Variants in CLEC2B observed in about 807,000 individuals in gnomAD.
CLEC2B encodes the protein C-type lectin domain family 2 member B, also known as C-type (calcium dependent, carbohydrate-recognition domain) lectin, superfamily member 2 (activation-induced).
A neutral mutation model predicts 16.2 loss-of-function variants in CLEC2B; 14 were observed. That is an observed-to-expected ratio of 0.86 (90% confidence interval 0.57 to 1.35). The LOEUF (loss-of-function observed/expected upper bound fraction) is 1.35. Ranked by LOEUF, CLEC2B falls within the 40% of genes most tolerant of loss-of-function variation. The probability of loss-of-function intolerance (pLI) is 0.00; values close to 1 mark genes in which losing one functional copy is unlikely to be tolerated. For missense variants in CLEC2B, 166 were observed against 182.3 expected (o/e 0.91, Z 0.52); for synonymous variants, 42 against 55.8 (o/e 0.75, Z 1.10).
At chr12:9,868,064 T>C (rs1867985379) in intron 1 of CLEC2B, among the ~76,000 whole-genome samples, 1 of 150,812 alleles carries the variant, frequency 6.6e-6, no homozygotes, top group South Asian at 2.1e-4. Flanking sequence ...ACGATGTTCA[T>C]AATTTCAGAT....
At chr12:9,858,710 A>G (rs57602079) in intron 2 of CLEC2B, among the ~76,000 whole-genome samples, 1 of 151,828 alleles carries the variant, frequency 6.6e-6, no homozygotes, top group Non-Finnish European at 1.5e-5. Context: ...GTATATAGGT[A>G]TGTGTACATA....
intron 2 of CLEC2B, 112 bp from the exon 3 acceptor site, chr12:9,857,749 G>T: frequency 6.1e-6 from 5 of 815,262 alleles, no homozygotes; most frequent in South Asian, 3.3e-5. Context: ...CACTATGAAA[G>T]TTGTATATCT....
At chr12:9,858,284 G>A (rs1867909034) in intron 2 of CLEC2B, among the ~76,000 whole-genome samples, 1 of 152,026 alleles carries the variant, frequency 6.6e-6, no homozygotes, top group African/African-American at 2.4e-5. Context: ...CCAAATGCAT[G>A]AGTGCATTAT....
chr12:9,857,760 A>G (rs747851665), intron 2 of CLEC2B, 123 bp from the exon 3 acceptor site: 4 of 755,310 alleles, frequency 5.3e-6, no homozygotes, highest in Non-Finnish European at 8.5e-6. Context: ...TTGTATATCT[A>G]TTATATGATA....
chr12:9,866,977 G>A (rs896511103), intron 1 of CLEC2B: 1 of 152,172 alleles, frequency 6.6e-6, no homozygotes, highest in African/African-American at 2.4e-5. Context: ...GGACTTGGTG[G>A]TGTATACAGA....
intron 2 of CLEC2B, among the ~76,000 whole-genome samples, chr12:9,862,103 C>A (rs1232734337): frequency 3.3e-5 from 5 of 151,952 alleles, no homozygotes; most frequent in African/African-American, 9.7e-5. Flanking sequence ...GGAAAAGATA[C>A]AAAGATACAT....
intron 1 of CLEC2B, among the ~76,000 whole-genome samples, chr12:9,863,539 T>C (rs1410613246): frequency 6.6e-6 from 1 of 152,200 alleles, no homozygotes; most frequent in Non-Finnish European, 1.5e-5. Context: ...GAAAACTCAC[T>C]GGTCTCTAAA....
intron 4 of CLEC2B, 109 bp from the exon 5 acceptor site, chr12:9,853,517 C>G (rs1591767720): frequency 1.3e-6 from 1 of 776,382 alleles, no homozygotes; most frequent in East Asian, 2.5e-5. Context: ...TGTACTATGG[C>G]ACAGTTCTCT....
At chr12:9,858,440 G>A (rs181692911) in intron 2 of CLEC2B, among the ~76,000 whole-genome samples, 18 of 151,952 alleles carry the variant, frequency 1.2e-4, no homozygotes, top group African/African-American at 4.1e-4. Flanking sequence ...TTTGTATTTT[G>A]GAACACACCC....
intron 3 of CLEC2B, chr12:9,854,751 A>G (rs1389086063): frequency 6.5e-6 from 3 of 462,166 alleles, no homozygotes; most frequent in African/African-American, 2.0e-5. Flanking sequence ...TTCCTTCACA[A>G]TTTTCAAACT....
intron 2 of CLEC2B, 111 bp downstream of exon 2, chr12:9,862,388 C>G (rs1348944692): frequency 1.0e-6 from 1 of 957,810 alleles, no homozygotes. Context: ...TAAATGTTAT[C>G]ATGTATAATG....
At chr12:9,862,457 A>G in intron 2 of CLEC2B, 42 bp downstream of exon 2, 6 of 1,405,266 alleles carry the variant, frequency 4.3e-6, no homozygotes, top group African/African-American at 1.5e-5. Flanking sequence ...ATAGGATCAC[A>G]CATAGAAAGC....
intron 2 of CLEC2B, among the ~76,000 whole-genome samples, chr12:9,859,796 A>G (rs1410129231): frequency 2.0e-5 from 3 of 151,812 alleles, no homozygotes; most frequent in Non-Finnish European, 4.4e-5. Context: ...ATATATGTGC[A>G]TATATCTTAA....
chr12:9,866,025 T>C (rs1482263629), intron 1 of CLEC2B, among the ~76,000 whole-genome samples: 1 of 152,062 alleles, frequency 6.6e-6, no homozygotes, highest in African/African-American at 2.4e-5. Context: ...AAGTTTATAG[T>C]AATAAATGCC....
In CLEC2B at chr12:9,852,983, TG is replaced by T. The variant is rs1442207613; in HGVS notation, c.*316del. On this transcript the variant is annotated 3_prime_UTR_variant, in exon 5 of 5. Coordinates refer to ENST00000228438, the MANE Select transcript of CLEC2B (RefSeq NM_005127.3). ...TTCTGGTACTCAAATTGTTCCATATTGGGTCATGAAAGTCCTGTCTAAGTGC... is the reference window on the plus strand; with the variant it reads ...TTCTGGTACTCAAATTGTTCCATATTGGTCATGAAAGTCCTGTCTAAGTGC... 4.0e-6 allele frequency: 1 copy of T among 248,348 alleles called. No homozygotes were observed. Among genetic ancestry groups the T allele is most frequent in the African/African-American group, 2.3e-5 (1 of 43,572 alleles). 15.4% of individuals were successfully genotyped at this position (248,348 alleles called of 1,614,324 possible).
At chr12:9,855,807 T>A (rs1422970100) in intron 3 of CLEC2B, among the ~76,000 whole-genome samples, 1 of 152,136 alleles carries the variant, frequency 6.6e-6, no homozygotes, top group Non-Finnish European at 1.5e-5. Flanking sequence ...TGGAAATAGA[T>A]ATAAAAATAT....
chr12:9,858,882 T>G (rs1484993130), intron 2 of CLEC2B, among the ~76,000 whole-genome samples: 2 of 152,052 alleles, frequency 1.3e-5, no homozygotes, highest in East Asian at 3.8e-4. Flanking sequence ...AGAATAATTC[T>G]GGTGCCTTCA....
At chr12:9,854,267 A>T in intron 4 of CLEC2B, 114 bp downstream of exon 4, 1 of 624,622 alleles carries the variant, frequency 1.6e-6, no homozygotes, top group South Asian at 2.2e-5. Context: ...TCCCCCCTCC[A>T]TCTTTCTAAC....
intron 1 of CLEC2B, among the ~76,000 whole-genome samples, chr12:9,866,163 G>A (rs1035327444): frequency 2.0e-5 from 3 of 152,058 alleles, no homozygotes; most frequent in African/African-American, 7.2e-5. Flanking sequence ...AGCTCTTTCT[G>A]ATGAGGTTTC....
Sources: allele counts gnomAD v4.1 joint callset (sites outside exome capture counted in the v4.1 genomes callset), GRCh38; gene constraint gnomAD v4.1.1; transcripts MANE v1.5; gene names NCBI Gene and HGNC (gene_info 2026-07-23, HGNC 2026-07-21).